Variants in RERG observed in about 807,000 individuals in gnomAD.
RERG encodes the protein ras-related and estrogen-regulated growth inhibitor.
RERG carries 25 observed loss-of-function variants against 23.2 expected under a neutral mutation model. That is an observed-to-expected ratio of 1.08 (90% CI 0.79 to 1.50). The LOEUF (loss-of-function observed/expected upper bound fraction) is 1.50, where lower values mean the gene tolerates loss of function less well. Ranked by LOEUF, RERG falls within the 40% of genes most tolerant of loss-of-function variation. The probability of loss-of-function intolerance (pLI) is 0.00; values close to 1 mark genes in which losing one functional copy is unlikely to be tolerated. For synonymous variants in RERG, 81 were observed against 89.1 expected, an observed-to-expected ratio of 0.91 and a Z score of 0.51; for missense variants, 253 against 250.1, an observed-to-expected ratio of 1.01 and a Z score of -0.08.
At chr12:15,129,199 A>G (rs1396959754) in intron 2 of RERG, among the ~76,000 whole-genome samples, 1 of 152,124 alleles carries the variant, frequency 6.6e-6, no homozygotes, top group Admixed American at 6.5e-5. Flanking sequence ...CCCTTAGTCA[A>G]AGGAGATGAA....
chr12:15,150,424 T>G lies in RERG; in HGVS notation c.62-29305A>C, dbSNP rs1471530760. 2.0e-5 allele frequency among the ~76,000 whole-genome samples: 3 copies of G among 152,190 alleles called. No individual in the cohort carries two copies. The East Asian group carries it at 5.8e-4, about 29-fold the overall frequency. Reference sequence around the variant, plus strand: ...TGATTTGGGCAAGTCATTGGAGCTCTCTGTTTCATTTTCATTACCTGAAAC... The same window carrying G: ...TGATTTGGGCAAGTCATTGGAGCTCGCTGTTTCATTTTCATTACCTGAAAC... On this transcript the variant is annotated intron_variant, in intron 2 of 4. Transcript: ENST00000256953.
chr12:15,111,628 G>A (rs980338387), intron 3 of RERG, among the ~76,000 whole-genome samples: 16 of 151,564 alleles, frequency 1.1e-4, no homozygotes, highest in African/African-American at 2.7e-4. Context: ...GGGTGTCACC[G>A]ACTTTCAGAA....
rs1437769090 is a variant in RERG at position 15,217,577 on chromosome 12, T to C, written c.-88A>G. 32 of 934,182 alleles carry C rather than the reference T, an allele frequency of 3.4e-5. 1 individual carries two copies. The Admixed American group carries it at 4.6e-4, about 13-fold the overall frequency. The allele number at this position is 934,182 out of a possible 1,614,324, so 57.9% of individuals were successfully genotyped here. On this transcript the variant is annotated 5_prime_UTR_variant, in exon 2 of 5. It removes an upstream start codon present in the reference 5' UTR. Transcript: ENST00000256953. Reference sequence around the variant, plus strand: ...TCCAGTCTTTGGATTCACCATATCATTGTGAATCTTGGAAGAGTCCACAAT... The same window carrying C: ...TCCAGTCTTTGGATTCACCATATCACTGTGAATCTTGGAAGAGTCCACAAT...
chr12:15,206,006 T>A (rs889904458), intron 2 of RERG, among the ~76,000 whole-genome samples: 2 of 152,124 alleles, frequency 1.3e-5, no homozygotes, highest in Non-Finnish European at 2.9e-5. Flanking sequence ...AGGTTATGGG[T>A]TCAACTCCTA....
rs189249225 is a variant in RERG at position 15,184,155 on chromosome 12, C to T, written c.61+33274G>A. On this transcript the variant is annotated intron_variant, in intron 2 of 4. Transcript: ENST00000256953. ...GTCTTTATGTCCATATCCTCGTCTA[C>T]ACCACTAGTCTCCAAAGATATAGAA... Among the ~76,000 whole-genome samples the T allele has an allele frequency of 5.0e-4, 76 of 152,300 alleles. No individual in the cohort carries two copies. The Middle Eastern group carries it at 0.01, about 20-fold the overall frequency.
intron 3 of RERG, among the ~76,000 whole-genome samples, chr12:15,114,067 A>G (rs1274638892): frequency 1.3e-5 from 2 of 152,082 alleles, no homozygotes; most frequent in Non-Finnish European, 2.9e-5. Context: ...ATTAGAACCA[A>G]TAAGAAAAGA....
chr12:15,113,921 G>A (rs529704777), intron 3 of RERG, among the ~76,000 whole-genome samples: 6 of 151,998 alleles, frequency 3.9e-5, no homozygotes, highest in Middle Eastern at 3.4e-3. Context: ...AAACAGTGTG[G>A]TACTAATATC....
At chr12:15,131,334 TAATA>T (rs141553733) in intron 2 of RERG, among the ~76,000 whole-genome samples, 6,170 of 152,202 alleles carry the variant, frequency 0.041, 445 homozygotes, top group African/African-American at 0.14. Flanking sequence ...AAGTGATTGT[TAATA>T]AATAAATTAC....
intron 2 of RERG, among the ~76,000 whole-genome samples, chr12:15,154,978 TC>T (rs1864501001): frequency 1.3e-5 from 2 of 152,208 alleles, no homozygotes; most frequent in Admixed American, 1.3e-4. Context: ...CACTGACACC[TC>T]ATATTGATTC....
chr12:15,208,587 G>A (rs574953610), intron 2 of RERG, among the ~76,000 whole-genome samples: 101 of 152,112 alleles, frequency 6.6e-4, no homozygotes, highest in Non-Finnish European at 1.3e-3. Context: ...TTGCCTTTTT[G>A]GAAGGTACAT....
At chr12:15,144,461 G>A (rs546087911) in intron 2 of RERG, among the ~76,000 whole-genome samples, 2 of 152,310 alleles carry the variant, frequency 1.3e-5, no homozygotes, top group South Asian at 4.1e-4. Flanking sequence ...AGGTAAAAAT[G>A]AGGGACGGTA....
At chr12:15,138,506 T>G (rs1029690516) in intron 2 of RERG, among the ~76,000 whole-genome samples, 2 of 152,098 alleles carry the variant, frequency 1.3e-5, no homozygotes, top group African/African-American at 4.8e-5. Flanking sequence ...AAAGGCATTC[T>G]TCATTTCTTT....
At chr12:15,214,035 TGTGC>T (rs776877487) in intron 2 of RERG, among the ~76,000 whole-genome samples, 14 of 91,812 alleles carry the variant, frequency 1.5e-4, no homozygotes, top group African/African-American at 7.4e-4. Flanking sequence ...TGTGTGTGTG[TGTGC>T]GCGTGTGTGG....
chr12:15,129,620 G>A (rs1473181024), intron 2 of RERG, among the ~76,000 whole-genome samples: 2 of 152,054 alleles, frequency 1.3e-5, no homozygotes, highest in Non-Finnish European at 2.9e-5. Flanking sequence ...GAAGATTGAA[G>A]CTCACTATTT....
chr12:15,164,239 C>T (rs1469276727), intron 2 of RERG, among the ~76,000 whole-genome samples: 1 of 152,176 alleles, frequency 6.6e-6, no homozygotes, highest in African/African-American at 2.4e-5. Context: ...TTCATCCATC[C>T]TCCTTTCTAG....
rs140739789 is a variant in RERG at position 15,119,752 on chromosome 12, G to A, written c.118+1311C>T. 1.7e-3 allele frequency among the ~76,000 whole-genome samples: 257 copies of A among 152,238 alleles called. 2 individuals carry two copies. Among genetic ancestry groups the A allele is most frequent in the African/African-American group, 5.7e-3 (237 of 41,552 alleles). On this transcript the variant is annotated intron_variant, in intron 3 of 4. Transcript: ENST00000256953. Reference sequence around the variant, plus strand: ...AATGTAGAAACATGCTATTCTCCTAGATTAAAAGGTGGAATAACATAAAGA... The same window carrying A: ...AATGTAGAAACATGCTATTCTCCTAAATTAAAAGGTGGAATAACATAAAGA...
intron 2 of RERG, among the ~76,000 whole-genome samples, chr12:15,187,841 G>A (rs1204349438): frequency 6.6e-6 from 1 of 152,030 alleles, no homozygotes; most frequent in Non-Finnish European, 1.5e-5. Context: ...TTACAGGTGT[G>A]AACCACCGTG....
intron 2 of RERG, among the ~76,000 whole-genome samples, chr12:15,158,205 A>C (rs933873771): frequency 6.6e-6 from 1 of 152,146 alleles, no homozygotes; most frequent in Admixed American, 6.5e-5. Context: ...TCCAGAATCT[A>C]ATCTAGGACT....
chr12:15,129,846 G>C (rs1280310011), intron 2 of RERG, among the ~76,000 whole-genome samples: 1 of 152,066 alleles, frequency 6.6e-6, no homozygotes, highest in African/African-American at 2.4e-5. Context: ...TGAGCATACA[G>C]GGGTTCTGGG....
Sources: gnomAD v4.1 joint callset for allele counts (sites outside exome capture counted in the v4.1 genomes callset) on GRCh38, gnomAD v4.1.1 for gene constraint, MANE v1.5 for transcripts, NCBI Gene and HGNC (gene_info 2026-07-23, HGNC 2026-07-21) for gene names.